The following TTYH3 variants were observed in gnomAD, a reference collection of about 807,000 sequenced individuals.
TTYH3 encodes the protein tweety family member 3.
A neutral mutation model predicts 68.2 loss-of-function variants in TTYH3; 23 were observed. That is an observed-to-expected ratio of 0.34 (90% CI 0.24 to 0.48). The LOEUF is 0.48. Among genes scored for constraint, TTYH3 ranks in the 20% least tolerant of loss-of-function variants. The pLI is 0.99. For missense variants in TTYH3, 768 were observed against 727.7 expected (o/e 1.06, Z -0.64); for synonymous variants, 360 against 332.8 (o/e 1.08, Z -0.89).
Position 2,647,121 on chromosome 7 carries a change from TC to T in TTYH3, c.294-20del. 1.3e-6 allele frequency: 2 copies of T among 1,579,010 alleles called. No homozygotes were observed. The highest frequency in any genetic ancestry group is 2.7e-5 in the African/African-American group (2 of 74,356). ...GTGTGTGGGTGGGCGGGGCTACATC[TC>T]ACGGGCCCGCCCTCTCCAGCGCCGG... On this transcript the variant is annotated intron_variant, in intron 2 of 13. Coordinates refer to ENST00000258796, the MANE Select transcript of TTYH3 (RefSeq NM_025250.3).
chr7:2,656,457 G>A lies in TTYH3; in HGVS notation c.1173G>A (p.Leu391=). 5.0e-6 allele frequency: 8 copies of A among 1,612,048 alleles called. No homozygotes were observed. Among genetic ancestry groups the A allele is most frequent in the Non-Finnish European group, 6.8e-6 (8 of 1,179,758 alleles). Reference sequence around the variant, plus strand: ...ACGGCGTGGAGGGCCTCATCTACCTGGCCCTCTTCTCCTTCGTCACAGCCC... The same window carrying A: ...ACGGCGTGGAGGGCCTCATCTACCTAGCCCTCTTCTCCTTCGTCACAGCCC... ...CYDGVEGLIY[L]ALFSFVTALM... The change falls in exon 11 of 14, where the codon CTG becomes CTA. Residue 391 remains leucine, a synonymous_variant. Coordinates refer to ENST00000258796, the MANE Select transcript of TTYH3 (RefSeq NM_025250.3).
intron 1 of TTYH3, among the ~76,000 whole-genome samples, chr7:2,635,682 C>T (rs1207480419): frequency 1.3e-5 from 2 of 152,228 alleles, no homozygotes; most frequent in Admixed American, 1.3e-4. Flanking sequence ...TTTCTGACTC[C>T]TCCATGGGCC....
intron 13 of TTYH3, 98 bp from the exon 14 acceptor site, chr7:2,661,570 G>A (rs1786497761): frequency 1.7e-6 from 2 of 1,193,444 alleles, no homozygotes; most frequent in East Asian, 5.1e-5. Flanking sequence ...TGCCCCCAGG[G>A]CTGTTGGCTC....
At chr7:2,650,065 C>T in intron 7 of TTYH3, 77 bp downstream of exon 7, 1 of 1,465,270 alleles carries the variant, frequency 6.8e-7, no homozygotes, top group South Asian at 1.2e-5. Flanking sequence ...GTAGCTGAGG[C>T]CGAGACACCC....
intron 1 of TTYH3, among the ~76,000 whole-genome samples, chr7:2,634,003 C>T (rs906729672): frequency 1.3e-5 from 2 of 152,252 alleles, no homozygotes; most frequent in Non-Finnish European, 2.9e-5. Flanking sequence ...TGCTATGGCC[C>T]TGGGAGGCCC....
chr7:2,659,670 G>A (rs912112553), intron 13 of TTYH3, among the ~76,000 whole-genome samples: 1 of 152,166 alleles, frequency 6.6e-6, no homozygotes, highest in African/African-American at 2.4e-5. Flanking sequence ...CCAGGACAGG[G>A]CTTGGGAGGC....
chr7:2,638,465 C>T (rs868396036), intron 1 of TTYH3, among the ~76,000 whole-genome samples: 1 of 152,000 alleles, frequency 6.6e-6, no homozygotes, highest in Admixed American at 6.6e-5. Context: ...AGCCTCAGCC[C>T]CAGGGCTGCC....
intron 13 of TTYH3, chr7:2,659,890 ACTCTCTCTCTCT>A: frequency 8.5e-7 from 1 of 1,171,486 alleles, no homozygotes. Flanking sequence ...TTGAGGCCAC[ACTCTCTCTCTCT>A]CTCTCTCTTG....
rs10233182 is a variant in TTYH3 at position 2,645,735 on chromosome 7, G to C, written c.124-1118G>C. On this transcript the variant is annotated intron_variant, in intron 1 of 13. Coordinates refer to ENST00000258796, the MANE Select transcript of TTYH3 (RefSeq NM_025250.3). This position sits in a 1 kb window ranked among gnomAD's most constrained non-coding sequence, Gnocchi z 4.8. ...GGTGCACAGACCCCAGACAGGATCA[G>C]ACTCCTGATGGGGCCTCTTCCATGT... is the stretch of plus-strand genomic sequence containing the variant. 0.013 allele frequency: 6,118 copies of C among 469,430 alleles called. 299 individuals carry two copies. Among genetic ancestry groups the C allele is most frequent in the African/African-American group, 0.11 (5,398 of 50,080 alleles). The allele number at this position is 469,430 out of a possible 1,614,324, so 29.1% of individuals were successfully genotyped here.
chr7:2,632,712 C>T (rs1785554421), intron 1 of TTYH3, among the ~76,000 whole-genome samples: 1 of 152,252 alleles, frequency 6.6e-6, no homozygotes, highest in Non-Finnish European at 1.5e-5. Flanking sequence ...CCCCCAGGCT[C>T]TGAGATCAGA....
chr7:2,657,722 GC>G (rs1371678899), intron 11 of TTYH3, among the ~76,000 whole-genome samples: 2 of 152,362 alleles, frequency 1.3e-5, no homozygotes, highest in Non-Finnish European at 2.9e-5. Flanking sequence ...TTGGCTGGTG[GC>G]CCCTGCGCAG....
chr7:2,639,940 C>T (rs778004413), intron 1 of TTYH3, among the ~76,000 whole-genome samples: 4 of 152,158 alleles, frequency 2.6e-5, no homozygotes, highest in East Asian at 1.9e-4. Flanking sequence ...CCCTGGGGCT[C>T]GCTGGTCTCT....
rs769406192 is a variant in TTYH3 at position 2,656,158 on chromosome 7, C to T, written c.1087C>T (p.Leu363=). The T allele has an allele frequency of 5.7e-6, 9 of 1,570,100 alleles. No individual in the cohort carries two copies. The South Asian group carries it at 7.0e-5, about 12-fold the overall frequency. ...TEVNLQHLTA[L]VDCRSLHLDY... ...GGTGAACCTGCAGCACCTCACCGCCCTGGTGGACTGCCGCAGCCTGCATCT... is the reference window on the plus strand; with the variant it reads ...GGTGAACCTGCAGCACCTCACCGCCTTGGTGGACTGCCGCAGCCTGCATCT... Residue 363 remains leucine (L), a synonymous_variant, in exon 10 of 14, where the codon CTG becomes TTG. Coordinates refer to ENST00000258796, the MANE Select transcript of TTYH3 (RefSeq NM_025250.3).
intron 7 of TTYH3, among the ~76,000 whole-genome samples, chr7:2,650,659 G>C (rs1445168118): frequency 7.2e-5 from 11 of 152,092 alleles, no homozygotes; most frequent in Non-Finnish European, 1.3e-4. Context: ...GGGGAGAATG[G>C]AGGGTGGGAG....
intron 1 of TTYH3, among the ~76,000 whole-genome samples, chr7:2,636,535 AG>A (rs1785660870): frequency 6.6e-6 from 1 of 152,200 alleles, no homozygotes; most frequent in African/African-American, 2.4e-5. Flanking sequence ...AGATGACAGA[AG>A]CGGGCCAGAC....
chr7:2,651,487 C>A (rs536786906), intron 7 of TTYH3, among the ~76,000 whole-genome samples: 7 of 152,294 alleles, frequency 4.6e-5, no homozygotes, highest in African/African-American at 1.7e-4. Flanking sequence ...TCCTTGGCCC[C>A]GGTGCTATCA....
intron 9 of TTYH3, among the ~76,000 whole-genome samples, chr7:2,654,187 G>A (rs768378736): frequency 2.0e-5 from 3 of 152,166 alleles, no homozygotes; most frequent in Non-Finnish European, 2.9e-5. Context: ...TTGAGCCCAC[G>A]AGTTCAAGAC....
chr7:2,657,734 C>G (rs1433400570), intron 11 of TTYH3, among the ~76,000 whole-genome samples: 1 of 152,250 alleles, frequency 6.6e-6, no homozygotes, highest in Admixed American at 6.5e-5. Flanking sequence ...CCCTGCGCAG[C>G]CAAAAGCTAC....
chr7:2,662,171 C>T lies in TTYH3; in HGVS notation c.*432C>T. 3.2e-6 allele frequency: 1 copy of T among 311,454 alleles called. No individual in the cohort carries two copies. Among genetic ancestry groups the T allele is most frequent in the Non-Finnish European group, 6.1e-6 (1 of 163,294 alleles). The allele number at this position is 311,454 out of a possible 1,614,324, so 19.3% of individuals were successfully genotyped here. ...GGCTGGGGCCGCTCTGTGCTGGCGC[C>T]TGCTGGCCACTGAGGGACAGGGACA... On this transcript the variant is annotated 3_prime_UTR_variant, in exon 14 of 14. Coordinates refer to ENST00000258796, the MANE Select transcript of TTYH3 (RefSeq NM_025250.3).
Sources: allele counts gnomAD v4.1 joint callset (sites outside exome capture counted in the v4.1 genomes callset), GRCh38; gene constraint gnomAD v4.1.1; non-coding constraint Gnocchi (gnomAD v3.1); transcripts MANE v1.5; gene names NCBI Gene and HGNC (gene_info 2026-07-23, HGNC 2026-07-21).